ZMAT3: variants seen among roughly 807,000 people sequenced by gnomAD.
The protein encoded by ZMAT3 is zinc finger matrin-type 3, also known as zinc finger matrin-type protein 3.
In ZMAT3, 17 loss-of-function variants were observed where a neutral mutation model predicts 32.3. The ratio of observed to expected loss-of-function variants is 0.53; its 90% CI spans 0.36 to 0.79. ZMAT3 has a LOEUF of 0.79. Ranked by LOEUF, ZMAT3 falls within the 30% of genes least tolerant of loss-of-function variation. ZMAT3 has a pLI of 0.00. For synonymous variants in ZMAT3, 120 were observed against 133.1 expected (o/e 0.90, Z 0.68); for missense variants, 329 against 359.7 (o/e 0.91, Z 0.69).
At chr3:179,042,474 C>T (rs1719998578) in intron 2 of ZMAT3, among the ~76,000 whole-genome samples, 1 of 152,122 alleles carries the variant, frequency 6.6e-6, no homozygotes, top group Non-Finnish European at 1.5e-5. Context: ...TGACAAAAAC[C>T]ACATGATTAT....
intron 2 of ZMAT3, among the ~76,000 whole-genome samples, chr3:179,064,274 T>C (rs1270895128): frequency 6.6e-6 from 1 of 152,266 alleles, no homozygotes; most frequent in Non-Finnish European, 1.5e-5. Flanking sequence ...ATAATGAAGG[T>C]ACAGCTTGGT....
Position 179,032,456 on chromosome 3 carries a change from G to GC in ZMAT3, c.271-1458dup, listed in dbSNP as rs535222709. 7.7e-4 allele frequency among the ~76,000 whole-genome samples: 117 copies of GC among 151,944 alleles called. 1 individual carries two copies. In the Middle Eastern group the frequency reaches 0.045, roughly 58 times the overall value. On this transcript the variant is annotated intron_variant, in intron 2 of 5. Transcript: ENST00000311417. The stretch of plus-strand genomic sequence containing the variant: ...AGGAAGTGAGGAGCGTCTCTGCCTG[G>GC]CCGCCCATCGTCTGGGATGTGAGGA...
intron 3 of ZMAT3, among the ~76,000 whole-genome samples, chr3:179,030,053 C>T (rs1017209814): frequency 1.1e-4 from 16 of 152,184 alleles, no homozygotes; most frequent in African/African-American, 3.9e-4. Context: ...TAAGAGTAGA[C>T]TCCATGTTTC....
chr3:179,026,845 C>T (rs950529341), intron 5 of ZMAT3, among the ~76,000 whole-genome samples: 5 of 152,172 alleles, frequency 3.3e-5, no homozygotes, highest in African/African-American at 1.2e-4. Flanking sequence ...CTACTCAGCC[C>T]ACTCTCCCTA....
intron 2 of ZMAT3, among the ~76,000 whole-genome samples, chr3:179,037,320 G>A (rs191642763): frequency 7.9e-5 from 12 of 152,194 alleles, no homozygotes; most frequent in Admixed American, 1.3e-4. Context: ...GGGACTCCCC[G>A]GATGAGAGCT....
At chr3:179,072,457 G>A (rs1721770913), upstream of ZMAT3, among the ~76,000 whole-genome samples, 1 of 152,098 alleles carries the variant, frequency 6.6e-6, no homozygotes, top group Non-Finnish European at 1.5e-5. Context: ...AGTGGCCAAC[G>A]CTAGGATGTC....
chr3:179,032,408 T>G (rs1209067344), intron 2 of ZMAT3, among the ~76,000 whole-genome samples: 1 of 152,092 alleles, frequency 6.6e-6, no homozygotes, highest in Non-Finnish European at 1.5e-5. Flanking sequence ...CAGTGCAGCC[T>G]CTGCCCGGCC....
chr3:179,064,690 C>G (rs1721317117), intron 2 of ZMAT3, among the ~76,000 whole-genome samples: 1 of 152,182 alleles, frequency 6.6e-6, no homozygotes, highest in Non-Finnish European at 1.5e-5. Flanking sequence ...CTCAGCCTCC[C>G]AAAGTGCTAG....
intron 2 of ZMAT3, among the ~76,000 whole-genome samples, chr3:179,066,071 C>T (rs369940329): frequency 3.9e-5 from 6 of 151,972 alleles, no homozygotes; most frequent in South Asian, 2.1e-4. Context: ...CTGAACATTC[C>T]GTAGGAATAA....
rs896813154 is a variant in ZMAT3 at position 179,023,900 on chromosome 3, T to C, written c.*1117A>G. On this transcript the variant is annotated 3_prime_UTR_variant, in exon 6 of 6. Transcript: ENST00000311417. ...CACGCCCGGCTAATGTTTTGTATTT[T>C]TAGTAGAGATGGGGTTTCACTGTGT... 6.7e-6 allele frequency: 1 copy of C among 149,432 alleles called. No individual in the cohort carries two copies. The highest frequency in any genetic ancestry group is 1.5e-5 in the Non-Finnish European group (1 of 67,540). The allele number at this position is 149,432 out of a possible 1,614,324, so 9.3% of individuals were successfully genotyped here. A position where few individuals can be genotyped will look rare whatever the true frequency, so the allele number is the denominator to read the frequency against.
intron 2 of ZMAT3, among the ~76,000 whole-genome samples, chr3:179,031,234 T>C (rs1368200550): frequency 6.7e-6 from 1 of 149,458 alleles, no homozygotes; most frequent in Non-Finnish European, 1.5e-5. Flanking sequence ...GGGTTATGTA[T>C]GTACAGGAAA....
Position 179,027,739 on chromosome 3 carries a change from G to A in ZMAT3, c.464C>T (p.Ser155Phe), listed in dbSNP as rs1367421294. The A allele has an allele frequency of 1.7e-5, 28 of 1,614,006 alleles. No homozygotes were observed. The highest frequency in any genetic ancestry group is 2.4e-5 in the Non-Finnish European group (28 of 1,180,040). Residue 155 changes from serine (S) to phenylalanine (F), a missense_variant, in exon 4 of 6, where the codon TCC (serine) becomes TTC (phenylalanine). Ser to Phe is a radical substitution (Grantham distance 155). Transcript: ENST00000311417. Reference protein sequence around the residue: ...ENDYCKLCDASFSSPAVAQAH... With the variant: ...ENDYCKLCDAFFSSPAVAQAH... ...CTGAGCCACAGCTGGGGAACTGAAG[G>A]AGGCATCACAGAGCTTACAGTAATC... is the stretch of plus-strand genomic sequence containing the variant.
At chr3:179,069,362 C>G (rs577685422) in intron 1 of ZMAT3, among the ~76,000 whole-genome samples, 6 of 152,104 alleles carry the variant, frequency 3.9e-5, no homozygotes, top group Non-Finnish European at 8.8e-5. Flanking sequence ...CGCCGTCTAA[C>G]CCTGAGTGTC....
At position 179,020,528 on chromosome 3, in the gene ZMAT3, AT is replaced by A. The variant is rs1367174154; in HGVS notation, c.*4488del. 1 of 152,204 alleles carries A rather than the reference AT, an allele frequency of 6.6e-6. No individual in the cohort carries two copies. The highest frequency in any genetic ancestry group is 2.4e-5 in the African/African-American group (1 of 41,456). The allele number at this position is 152,204 out of a possible 1,614,324, so 9.4% of individuals were successfully genotyped here. A position where few individuals can be genotyped will look rare whatever the true frequency, so the allele number is the denominator to read the frequency against. On this transcript the variant is annotated 3_prime_UTR_variant, in exon 6 of 6. Transcript: ENST00000311417. ...AGAAAAAAATAGTTGGTAAGGTCAA[AT>A]TTGTTTTAAAACATCTGTTCAAAAG...
chr3:179,065,595 A>G (rs1233313319), intron 2 of ZMAT3, among the ~76,000 whole-genome samples: 1 of 152,214 alleles, frequency 6.6e-6, no homozygotes, highest in Non-Finnish European at 1.5e-5. Flanking sequence ...TGTTAAAATT[A>G]CACACTGCCC....
chr3:179,042,412 G>C (rs1002615306), intron 2 of ZMAT3, among the ~76,000 whole-genome samples: 29 of 152,240 alleles, frequency 1.9e-4, no homozygotes, highest in Non-Finnish European at 3.7e-4. Context: ...ATGCAAGGCT[G>C]GTTCAACATA....
At position 179,021,785 on chromosome 3, in the gene ZMAT3, T is replaced by A. The variant is rs191331256; in HGVS notation, c.*3232A>T. Reference sequence around the variant, plus strand: ...TTATGGAATACATGAATATGAGAAATTGTACCATGCAGAGATGTATCTATT... The same window carrying A: ...TTATGGAATACATGAATATGAGAAAATGTACCATGCAGAGATGTATCTATT... On this transcript the variant is annotated 3_prime_UTR_variant, in exon 6 of 6. Coordinates refer to ENST00000311417, the MANE Select transcript of ZMAT3 (RefSeq NM_022470.4). 30 of 152,328 alleles carry A rather than the reference T, an allele frequency of 2.0e-4. No individual in the cohort carries two copies. In the East Asian group the frequency reaches 5.4e-3, roughly 27 times the overall value. 9.4% of individuals were successfully genotyped at this position (152,328 alleles called of 1,614,324 possible). A position where few individuals can be genotyped will look rare whatever the true frequency, so the allele number is the denominator to read the frequency against.
rs1365949928 is a variant in ZMAT3 at position 179,046,976 on chromosome 3, C to T, written c.271-15977G>A. On this transcript the variant is annotated intron_variant, in intron 2 of 5. Coordinates refer to ENST00000311417, the MANE Select transcript of ZMAT3 (RefSeq NM_022470.4). The surrounding 1 kb of genome is among the most constrained non-coding windows in gnomAD (Gnocchi z 4.3). ...TTGGGAGCTCTGGGGCCCCACCCACCGCATGATCATCTCTATACTACCATA... is the reference window on the plus strand; with the variant it reads ...TTGGGAGCTCTGGGGCCCCACCCACTGCATGATCATCTCTATACTACCATA... 6.6e-6 allele frequency among the ~76,000 whole-genome samples: 1 copy of T among 152,172 alleles called. No homozygotes were observed. Among genetic ancestry groups the T allele is most frequent in the Non-Finnish European group, 1.5e-5 (1 of 68,016 alleles).
At chr3:179,025,424 C>T (rs1203191213) in intron 5 of ZMAT3, among the ~76,000 whole-genome samples, 196 bp from the exon 6 acceptor site, 1 of 152,146 alleles carries the variant, frequency 6.6e-6, no homozygotes, top group Non-Finnish European at 1.5e-5. Context: ...TAAAATGATT[C>T]CTCCAACCAT....
Sources: gnomAD v4.1 joint callset for allele counts (sites outside exome capture counted in the v4.1 genomes callset) on GRCh38, gnomAD v4.1.1 for gene constraint, Gnocchi (gnomAD v3.1) non-coding constraint, MANE v1.5 for transcripts, NCBI Gene and HGNC (gene_info 2026-07-23, HGNC 2026-07-21) for gene names.